Variants in MAPK10 observed in about 807,000 individuals in gnomAD.
MAPK10 encodes JNK3 alpha protein kinase.
Under a neutral mutation model 59.3 loss-of-function variants are expected in MAPK10, and 25 were observed. The ratio of observed to expected loss-of-function variants is 0.42; its 90% CI spans 0.31 to 0.59. The LOEUF is 0.59. Ranked by LOEUF, MAPK10 falls within the 20% of genes least tolerant of loss-of-function variation. The pLI is 0.15. For synonymous variants in MAPK10, 190 were observed against 200.5 expected (o/e 0.95, Z 0.44); for missense variants, 351 against 568.9 (o/e 0.62, Z 3.90).
In MAPK10 at chr4:86,400,870, T is replaced by A. The variant is rs373840061; in HGVS notation, c.-121-46226A>T. Among the ~76,000 whole-genome samples the A allele has an allele frequency of 2.6e-5, 4 of 152,296 alleles. No homozygotes were observed. In the East Asian group the frequency reaches 5.8e-4, roughly 22 times the overall value. Reference sequence around the variant, plus strand: ...TCAGTGAAATACAAGTATGCCATTATTCTTTTATTTTTAAAAGAATTTTAT... The same window carrying A: ...TCAGTGAAATACAAGTATGCCATTAATCTTTTATTTTTAAAAGAATTTTAT... On this transcript the variant is annotated intron_variant, in intron 1 of 13. Coordinates refer to the MAPK10 transcript ENST00000361569.
intron 1 of MAPK10, among the ~76,000 whole-genome samples, chr4:86,365,941 C>A (rs1478492382): frequency 6.6e-6 from 1 of 152,082 alleles, no homozygotes; most frequent in African/African-American, 2.4e-5. Context: ...CTTTTATATG[C>A]AAATCTATTT....
At chr4:86,098,396 T>C in intron 9 of MAPK10, 128 bp downstream of exon 9, 2 of 1,395,878 alleles carry the variant, frequency 1.4e-6, no homozygotes, top group South Asian at 3.0e-5. Context: ...AATTATCACT[T>C]TTTTATTACA....
chr4:86,578,760 T>C (rs986604813), intron 1 of MAPK10, among the ~76,000 whole-genome samples: 1 of 151,752 alleles, frequency 6.6e-6, no homozygotes, highest in African/African-American at 2.4e-5. Flanking sequence ...GGAAAAAGTT[T>C]CATGGAGGAG....
In MAPK10 at chr4:86,163,551, T is replaced by C. The variant is rs1581631064; in HGVS notation, c.67-4084A>G. Among the ~76,000 whole-genome samples the C allele has an allele frequency of 1.3e-5, 2 of 152,062 alleles. 1 individual carries two copies. The highest frequency in any genetic ancestry group is 4.1e-4 in the South Asian group (2 of 4,822). ...AAACCTACAAAGAAAAAAAAATTCA[T>C]GTTGAGAAAGCATGCTTAGCCAATA... On this transcript the variant is annotated intron_variant, in intron 3 of 13. Transcript: ENST00000641462.
At chr4:86,266,899 AT>A (rs533068870) in intron 2 of MAPK10, among the ~76,000 whole-genome samples, 7 of 152,048 alleles carry the variant, frequency 4.6e-5, no homozygotes, top group South Asian at 2.1e-4. Context: ...ATTACATTTT[AT>A]TATATATAGA....
At chr4:86,314,307 T>G (rs1414588146) in intron 2 of MAPK10, among the ~76,000 whole-genome samples, 1 of 152,150 alleles carries the variant, frequency 6.6e-6, no homozygotes, top group African/African-American at 2.4e-5. Context: ...CATCTTGAAT[T>G]ATACACCCAT....
At chr4:86,455,451 G>A (rs1263736883), upstream of MAPK10, among the ~76,000 whole-genome samples, 2 of 152,080 alleles carry the variant, frequency 1.3e-5, no homozygotes, top group Non-Finnish European at 2.9e-5. Flanking sequence ...TAAGGTAAAG[G>A]GAAGGAAAAA....
chr4:86,591,516 G>A (rs1763046851), intron 1 of MAPK10, among the ~76,000 whole-genome samples: 1 of 152,062 alleles, frequency 6.6e-6, no homozygotes. Context: ...TGGGACTACA[G>A]GTGCATCCCA....
At chr4:86,483,837 C>T (rs1753779675) in intron 1 of MAPK10, among the ~76,000 whole-genome samples, 1 of 152,104 alleles carries the variant, frequency 6.6e-6, no homozygotes, top group Non-Finnish European at 1.5e-5. Context: ...ACAACAGCAT[C>T]TGAGAAAGGA....
intron 1 of MAPK10, among the ~76,000 whole-genome samples, chr4:86,378,208 C>A (rs1230436523): frequency 6.6e-6 from 1 of 152,142 alleles, no homozygotes; most frequent in African/African-American, 2.4e-5. Flanking sequence ...CTTATCATAG[C>A]CTGCCAGGCC....
chr4:86,451,510 T>C (rs1423617169), intron 1 of MAPK10, among the ~76,000 whole-genome samples: 2 of 152,230 alleles, frequency 1.3e-5, no homozygotes, highest in East Asian at 3.9e-4. Context: ...TTAAGTTGAC[T>C]TCCCCAGAAC....
chr4:86,548,148 G>A lies in MAPK10; in HGVS notation c.-263+45762C>T, dbSNP rs1205546272. ...TTTTATGAGCTGTAACACTCACCGCGAAGGTCTGCAGCTTCACTCCTGAAG... is the reference window on the plus strand; with the variant it reads ...TTTTATGAGCTGTAACACTCACCGCAAAGGTCTGCAGCTTCACTCCTGAAG... On this transcript the variant is annotated intron_variant, in intron 1 of 4. Transcript: ENST00000502302. 3.9e-5 allele frequency among the ~76,000 whole-genome samples: 6 copies of A among 152,102 alleles called. No individual in the cohort carries two copies. In the South Asian group the frequency reaches 1.0e-3, roughly 26 times the overall value.
At chr4:86,274,941 T>G (rs1475576836) in intron 2 of MAPK10, among the ~76,000 whole-genome samples, 1 of 151,912 alleles carries the variant, frequency 6.6e-6, no homozygotes, top group Non-Finnish European at 1.5e-5. Context: ...ACTCCCAAAT[T>G]AAAATATTTT....
chr4:86,359,263 C>CTCT (rs1554248207), intron 1 of MAPK10, among the ~76,000 whole-genome samples: 17 of 53,466 alleles, frequency 3.2e-4, no homozygotes, highest in Middle Eastern at 0.013. Context: ...TTTTTTTTTT[C>CTCT]CTCTCTCTCT....
chr4:86,151,714 T>C (rs2066525972), intron 4 of MAPK10, among the ~76,000 whole-genome samples: 1 of 151,976 alleles, frequency 6.6e-6, no homozygotes, highest in Non-Finnish European at 1.5e-5. Flanking sequence ...TAAAAAGATG[T>C]AGGGAGGGAA....
At chr4:86,558,501 C>T (rs1048981067) in intron 1 of MAPK10, among the ~76,000 whole-genome samples, 6 of 152,030 alleles carry the variant, frequency 3.9e-5, no homozygotes, top group African/African-American at 1.2e-4. Flanking sequence ...TGCCCAATGA[C>T]GTAGAATAAA....
rs74874164 is a variant in MAPK10, at chr4:86,589,983, T to TAAA, written c.-263+3924_-263+3926dup. 3.9e-5 allele frequency among the ~76,000 whole-genome samples: 5 copies of TAAA among 129,732 alleles called. No homozygotes were observed. The East Asian group carries it at 1.1e-3, about 28-fold the overall frequency. The allele number at this position is 129,732 out of a possible 152,430, so 85.1% of individuals were successfully genotyped here. A position where few individuals can be genotyped will look rare whatever the true frequency, so the allele number is the denominator to read the frequency against. On this transcript the variant is annotated intron_variant, in intron 1 of 4. Coordinates refer to the MAPK10 transcript ENST00000502302. ...TGGGCTACAGAGCAAGACTCCATCT[T>TAAA]AAAAAAAAAAAAAAAAGGGAATAGC... is the stretch of plus-strand genomic sequence containing the variant.
Position 86,070,689 on chromosome 4 carries a change from G to A in MAPK10, c.803-2734C>T, listed in dbSNP as rs59147506. ...AGTTTACTGAGAATGATGATTTCCA[G>A]TTTCATCCATGTCCCTACAAAGGAC... On this transcript the variant is annotated intron_variant, in intron 9 of 13. Coordinates refer to ENST00000641462, the MANE Select transcript of MAPK10 (RefSeq NM_138982.4). 3.8e-3 allele frequency among the ~76,000 whole-genome samples: 567 copies of A among 150,942 alleles called. 20 individuals are homozygous for A. In the East Asian group the frequency reaches 0.091, roughly 24 times the overall value.
intron 9 of MAPK10, among the ~76,000 whole-genome samples, chr4:86,071,643 A>G (rs1054565689): frequency 2.6e-5 from 4 of 151,220 alleles, no homozygotes; most frequent in African/African-American, 7.3e-5. Flanking sequence ...CATTTATTAA[A>G]TAGGGAATCC....
Sources: gnomAD v4.1 joint callset for allele counts (sites outside exome capture counted in the v4.1 genomes callset) on GRCh38, gnomAD v4.1.1 for gene constraint, MANE v1.5 for transcripts, NCBI Gene and HGNC (gene_info 2026-07-23, HGNC 2026-07-21) for gene names.